The following GRID1 variants were observed in gnomAD, a reference collection of about 807,000 sequenced individuals.
The protein encoded by GRID1 is glutamate receptor ionotropic, delta-1.
A neutral mutation model predicts 98.0 loss-of-function variants in GRID1; 28 were observed. The ratio of observed to expected loss-of-function variants is 0.29; its 90% CI spans 0.21 to 0.39. The LOEUF (loss-of-function observed/expected upper bound fraction) is 0.39, where lower values mean the gene tolerates loss of function less well. GRID1 is among the 10% of genes least tolerant of loss of function. The pLI, the probability that GRID1 is intolerant of heterozygous loss-of-function variation, is 1.00. For synonymous variants in GRID1, 553 were observed against 538.5 expected, an observed-to-expected ratio of 1.03 and a Z score of -0.37; for missense variants, 1,111 against 1,340.5, an observed-to-expected ratio of 0.83 and a Z score of 2.67.
chr10:85,913,222 A>C (rs1841565830), intron 5 of GRID1, among the ~76,000 whole-genome samples: 2 of 152,218 alleles, frequency 1.3e-5, no homozygotes, highest in Admixed American at 1.3e-4. Context: ...GACTTCACTG[A>C]ATCAGATACT....
chr10:86,036,949 A>G (rs868172072), intron 4 of GRID1, among the ~76,000 whole-genome samples: 4 of 152,252 alleles, frequency 2.6e-5, no homozygotes, highest in Admixed American at 6.5e-5. Context: ...CCATAACTTG[A>G]CAAATTAATT....
intron 8 of GRID1, among the ~76,000 whole-genome samples, chr10:85,836,648 G>A (rs536288650): frequency 2.4e-4 from 37 of 152,302 alleles, no homozygotes; most frequent in African/African-American, 8.7e-4. Flanking sequence ...AGGTGCAGCT[G>A]TAGTGGAGCA....
chr10:85,736,972 A>C (rs1468829780), intron 8 of GRID1, among the ~76,000 whole-genome samples: 1 of 152,178 alleles, frequency 6.6e-6, no homozygotes, highest in East Asian at 1.9e-4. Flanking sequence ...GAATCCCAGC[A>C]TATCAGAGCC....
chr10:85,659,211 C>T (rs997743589), intron 12 of GRID1, among the ~76,000 whole-genome samples: 14 of 152,326 alleles, frequency 9.2e-5, no homozygotes, highest in Admixed American at 7.8e-4. Context: ...ACACCTGTTC[C>T]GGCCTGGGTG....
chr10:85,934,120 G>A (rs1288544770), intron 4 of GRID1, among the ~76,000 whole-genome samples: 3 of 152,098 alleles, frequency 2.0e-5, no homozygotes, highest in African/African-American at 7.2e-5. Flanking sequence ...GGAACAGATA[G>A]TGCATGCAGT....
At chr10:85,867,269 C>T (rs1843229799) in intron 6 of GRID1, among the ~76,000 whole-genome samples, 1 of 152,192 alleles carries the variant, frequency 6.6e-6, no homozygotes, top group South Asian at 2.1e-4. Context: ...AAAGTGGCCC[C>T]ATCTTTGTTC....
chr10:85,690,600 A>G (rs1040054838), intron 12 of GRID1, among the ~76,000 whole-genome samples: 7 of 152,206 alleles, frequency 4.6e-5, no homozygotes, highest in Non-Finnish European at 1.0e-4. Context: ...AAAAACAAAC[A>G]AAAACAAATT....
intron 4 of GRID1, among the ~76,000 whole-genome samples, chr10:85,948,567 C>T (rs1227622882): frequency 6.6e-6 from 1 of 152,136 alleles, no homozygotes; most frequent in African/African-American, 2.4e-5. Context: ...CATTATGAAC[C>T]TATCTTTTAG....
chr10:86,148,292 AAAG>A (rs1221240676), intron 3 of GRID1, among the ~76,000 whole-genome samples: 1 of 152,242 alleles, frequency 6.6e-6, no homozygotes, highest in Non-Finnish European at 1.5e-5. Context: ...CAGCCTTTGA[AAAG>A]AAGGAAATCC....
intron 2 of GRID1, among the ~76,000 whole-genome samples, chr10:86,331,958 G>A (rs1180323856): frequency 6.6e-6 from 1 of 152,094 alleles, no homozygotes; most frequent in Non-Finnish European, 1.5e-5. Flanking sequence ...TGGCCATCCT[G>A]TTGGACAGGA....
intron 3 of GRID1, among the ~76,000 whole-genome samples, chr10:86,145,547 T>TACACACACACACACATGCAC (rs920900306): frequency 6.9e-6 from 1 of 145,632 alleles, no homozygotes; most frequent in African/African-American, 2.6e-5. Context: ...ATCCTCCACA[T>TACACACACACACACATGCAC]ACACACACAC....
rs572114562 is a variant in GRID1 at position 85,773,532 on chromosome 10, T to C, written c.1234-43918A>G. ...TCAATTAGGAAAAGAGGAAGTCAAATTGTCCCTGTTTGCAGATGACATGAT... is the reference window on the plus strand; with the variant it reads ...TCAATTAGGAAAAGAGGAAGTCAAACTGTCCCTGTTTGCAGATGACATGAT... On this transcript the variant is annotated intron_variant, in intron 8 of 15. Transcript: ENST00000327946. Among the ~76,000 whole-genome samples, 48 of 152,336 alleles carry C rather than the reference T, an allele frequency of 3.2e-4. No homozygotes were observed. In the South Asian group the frequency reaches 6.4e-3, roughly 20 times the overall value.
intron 4 of GRID1, among the ~76,000 whole-genome samples, chr10:86,050,776 A>C (rs1454155472): frequency 2.0e-5 from 3 of 152,088 alleles, no homozygotes; most frequent in Non-Finnish European, 2.9e-5. Flanking sequence ...AACTATAATA[A>C]CTTATAAATG....
chr10:86,206,291 C>T lies in GRID1; in HGVS notation c.520+73G>A. On this transcript the variant is annotated intron_variant, in intron 3 of 15. Coordinates refer to ENST00000327946, the MANE Select transcript of GRID1 (RefSeq NM_017551.3). This position sits in a 1 kb window ranked among gnomAD's most constrained non-coding sequence, Gnocchi z 4.1. Reference sequence around the variant, plus strand: ...ACCCCTGACCGGTCCAGGGCCCCACCCACTCTCAGGTCTCCCAGCATCTGG... The same window carrying T: ...ACCCCTGACCGGTCCAGGGCCCCACTCACTCTCAGGTCTCCCAGCATCTGG... 6 of 1,457,474 alleles carry T rather than the reference C, an allele frequency of 4.1e-6. No individual in the cohort carries two copies. Among genetic ancestry groups the T allele is most frequent in the Middle Eastern group, 1.8e-4 (1 of 5,512 alleles). 90.3% of individuals were successfully genotyped at this position (1,457,474 alleles called of 1,614,324 possible).
chr10:85,755,993 C>CTCAGCACCCATTCTCCT (rs2132692118), intron 8 of GRID1, among the ~76,000 whole-genome samples: 1 of 152,216 alleles, frequency 6.6e-6, no homozygotes, highest in South Asian at 2.1e-4. Flanking sequence ...CTCTCCTACC[C>CTCAGCACCCATTCTCCT]TCAGCACCCA....
At position 85,915,995 on chromosome 10, in the gene GRID1, G is replaced by A. The variant is rs1026251858; in HGVS notation, c.780+191C>T. Among the ~76,000 whole-genome samples the A allele has an allele frequency of 3.9e-5, 6 of 152,050 alleles. No homozygotes were observed. The East Asian group carries it at 5.8e-4, about 15-fold the overall frequency. On this transcript the variant is annotated intron_variant, in intron 5 of 15. Transcript: ENST00000327946. ...GACCCAGGTCAGGATTCTTTCTCTCGTTCCCACCTGCCAGGTGAGCACCCT... is the reference window on the plus strand; with the variant it reads ...GACCCAGGTCAGGATTCTTTCTCTCATTCCCACCTGCCAGGTGAGCACCCT...
At chr10:85,721,457 T>C (rs907011056) in intron 12 of GRID1, among the ~76,000 whole-genome samples, 17 of 152,158 alleles carry the variant, frequency 1.1e-4, no homozygotes, top group African/African-American at 4.1e-4. Flanking sequence ...TGTCCTCCAA[T>C]GGGGGAATAG....
At chr10:86,147,584 A>G (rs1442175738) in intron 3 of GRID1, among the ~76,000 whole-genome samples, 1 of 152,216 alleles carries the variant, frequency 6.6e-6, no homozygotes, top group Non-Finnish European at 1.5e-5. Flanking sequence ...AAAACAAGCA[A>G]TGGGGAAAGG....
intron 2 of GRID1, among the ~76,000 whole-genome samples, chr10:86,252,638 C>T (rs1432774240): frequency 6.6e-6 from 1 of 152,190 alleles, no homozygotes; most frequent in Non-Finnish European, 1.5e-5. Context: ...TTTTCTACAC[C>T]AAAGACACTC....
Sources: allele counts gnomAD v4.1 joint callset (sites outside exome capture counted in the v4.1 genomes callset), GRCh38; gene constraint gnomAD v4.1.1; non-coding constraint Gnocchi (gnomAD v3.1); transcripts MANE v1.5; gene names NCBI Gene and HGNC (gene_info 2026-07-23, HGNC 2026-07-21).